Variants in BRF1 observed in about 807,000 individuals in gnomAD.
The protein encoded by BRF1 is transcription factor IIIB 90 kDa subunit.
BRF1 carries 59 observed loss-of-function variants against 81.7 expected under a neutral mutation model. That is an observed-to-expected ratio of 0.72 (90% CI 0.59 to 0.90). BRF1 has a LOEUF of 0.90. Among genes scored for constraint, BRF1 ranks in the 40% least tolerant of loss-of-function variants. BRF1 has a pLI of 0.00. For synonymous variants in BRF1, 491 were observed against 395.6 expected (o/e 1.24, Z -2.86); for missense variants, 1,050 against 936.3 (o/e 1.12, Z -1.58).
chr14:105,226,698 T>C lies in BRF1; in HGVS notation c.851A>G (p.Asp284Gly), dbSNP rs1893159070. ...GGGGGGGTCGCACTCCTCCTCCAGG[T>C]CGATCTTCATGAACTCATCAATGGT... ...QLTIDEFMKI[D>G]LEEECDPPSY... is the part of the protein sequence containing the mutation. The change falls in exon 8 of 18, where the codon GAC (aspartate) becomes GGC (glycine). Residue 284 changes from aspartate to glycine, a missense_variant. Transcript: ENST00000547530. 1 of 1,613,654 alleles carries C rather than the reference T, an allele frequency of 6.2e-7. No homozygotes were observed. Among genetic ancestry groups the C allele is most frequent in the East Asian group, 2.2e-5 (1 of 44,882 alleles).
intron 1 of BRF1, among the ~76,000 whole-genome samples, chr14:105,307,386 T>C (rs1313893895): frequency 6.6e-6 from 1 of 152,136 alleles, no homozygotes; most frequent in Non-Finnish European, 1.5e-5. Flanking sequence ...CTAATTCTGC[T>C]CAGCTTGCCT....
In BRF1 at chr14:105,256,533, G is replaced by A; in HGVS notation, c.456C>T (p.Leu152=). ...GGCTGTCTACCTGGAGCAGGTCGCT[G>A]AGGTCCAGGAGCATGTCTGCAGCAG... The part of the protein sequence containing the change: ...TEGTPHMLLD[L]SDLLQVNVYV... Residue 152 remains leucine (L), a synonymous_variant, in exon 4 of 18, where the codon CTC becomes CTT. Coordinates refer to ENST00000547530, the MANE Select transcript of BRF1 (RefSeq NM_001519.4). The A allele has an allele frequency of 4.3e-6, 7 of 1,614,026 alleles. No homozygotes were observed. The highest frequency in any genetic ancestry group is 5.9e-6 in the Non-Finnish European group (7 of 1,179,990).
chr14:105,254,071 G>A (rs1158218753), intron 4 of BRF1, among the ~76,000 whole-genome samples: 1 of 152,128 alleles, frequency 6.6e-6, no homozygotes, highest in African/African-American at 2.4e-5. Context: ...TTAAGCCACA[G>A]CAGAACCATG....
intron 5 of BRF1, among the ~76,000 whole-genome samples, chr14:105,251,799 G>A (rs1167211154): frequency 6.6e-6 from 1 of 151,948 alleles, no homozygotes; most frequent in Admixed American, 6.6e-5. Flanking sequence ...AGAACCATCG[G>A]GCAGTGAGTG....
intron 4 of BRF1, among the ~76,000 whole-genome samples, chr14:105,254,127 C>CT (rs1161307686): frequency 6.6e-6 from 1 of 152,252 alleles, no homozygotes; most frequent in Admixed American, 6.5e-5. Flanking sequence ...CCACACCCCC[C>CT]AACCTTGTGT....
At chr14:105,275,120 G>A (rs780509150) in intron 2 of BRF1, among the ~76,000 whole-genome samples, 1 of 152,200 alleles carries the variant, frequency 6.6e-6, no homozygotes, top group Non-Finnish European at 1.5e-5. Flanking sequence ...TTTTGCTCAC[G>A]CCAAACTTCA....
At chr14:105,261,877 C>T (rs1025687676) in intron 3 of BRF1, among the ~76,000 whole-genome samples, 1 of 152,244 alleles carries the variant, frequency 6.6e-6, no homozygotes, top group Non-Finnish European at 1.5e-5. Context: ...GAGAATGATG[C>T]CCAGCACTGC....
Position 105,229,622 on chromosome 14 carries a change from G to C in BRF1, c.695-709C>G, listed in dbSNP as rs587766467. Among the ~76,000 whole-genome samples the C allele has an allele frequency of 2.4e-4, 36 of 152,316 alleles. No homozygotes were observed. The South Asian group carries it at 4.1e-3, about 18-fold the overall frequency. On this transcript the variant is annotated intron_variant, in intron 6 of 17. Transcript: ENST00000547530. ...CTGGGGGGTCACAGAGGTCCAACTA[G>C]AACAGTCGCCCAGCTGGGGGCGGGG...
At position 105,297,763 on chromosome 14, in the gene BRF1, G is replaced by A. The variant is rs187116625; in HGVS notation, c.184+2683C>T. Among the ~76,000 whole-genome samples the A allele has an allele frequency of 2.0e-4, 31 of 152,198 alleles. No individual in the cohort carries two copies. The South Asian group carries it at 3.3e-3, about 16-fold the overall frequency. ...GGTAAACCCAGCACTTTGGGAGGCT[G>A]AGGCAGGTGGATCACGAGGTCAGGA... On this transcript the variant is annotated intron_variant, in intron 1 of 17. Coordinates refer to ENST00000547530, the MANE Select transcript of BRF1 (RefSeq NM_001519.4).
intron 3 of BRF1, among the ~76,000 whole-genome samples, chr14:105,272,392 A>T (rs2056694944): frequency 6.6e-6 from 1 of 152,214 alleles, no homozygotes; most frequent in African/African-American, 2.4e-5. Flanking sequence ...CCTGAACCAC[A>T]GGGGACGTGG....
rs1185854559 is a variant in BRF1, at chr14:105,252,503, C to T, written c.544+4G>A. ...ACACCCCAGCATCTCACCCAGATGC[C>T]TACCTATGGCCGGCGCATTGATGCA... On this transcript the variant is annotated splice_donor_region_variant and intron_variant, in intron 5 of 17. Coordinates refer to ENST00000547530, the MANE Select transcript of BRF1 (RefSeq NM_001519.4). 1 of 1,613,270 alleles carries T rather than the reference C, an allele frequency of 6.2e-7. No homozygotes were observed. The highest frequency in any genetic ancestry group is 1.7e-5 in the Admixed American group (1 of 59,886).
At chr14:105,258,754 G>C (rs1028874898) in intron 3 of BRF1, among the ~76,000 whole-genome samples, 2 of 151,560 alleles carry the variant, frequency 1.3e-5, no homozygotes, top group Admixed American at 6.6e-5. Flanking sequence ...AGCAAATATC[G>C]CACCACTGCA....
chr14:105,285,158 A>G (rs932753921), intron 2 of BRF1, among the ~76,000 whole-genome samples: 1 of 152,228 alleles, frequency 6.6e-6, no homozygotes, highest in Non-Finnish European at 1.5e-5. Flanking sequence ...AGAAACTGAC[A>G]AGCTGATCCT....
At chr14:105,250,356 G>A in intron 5 of BRF1, 1 of 1,613,670 alleles carries the variant, frequency 6.2e-7, no homozygotes, top group Non-Finnish European at 8.5e-7. Context: ...TCCAGCTCTG[G>A]GAAGGCTGAG....
chr14:105,210,519 T>C lies in BRF1; in HGVS notation c.*32A>G, dbSNP rs1261139616. On this transcript the variant is annotated 3_prime_UTR_variant, in exon 18 of 18. Coordinates refer to ENST00000547530, the MANE Select transcript of BRF1 (RefSeq NM_001519.4). This position sits in a 1 kb window ranked among gnomAD's most constrained non-coding sequence, Gnocchi z 4.7. ...TGCTGAGGAGACCCGCGAGGCCCCC[T>C]GCCAGGACATCACCTGCCTGGAGGC... is the stretch of plus-strand genomic sequence containing the variant. 2 of 1,608,804 alleles carry C rather than the reference T, an allele frequency of 1.2e-6. No individual in the cohort carries two copies. The highest frequency in any genetic ancestry group is 2.2e-5 in the East Asian group (1 of 44,846).
chr14:105,263,025 C>T (rs975070368), intron 3 of BRF1, among the ~76,000 whole-genome samples: 5 of 151,650 alleles, frequency 3.3e-5, no homozygotes, highest in African/African-American at 4.8e-5. Flanking sequence ...CAGATGACAA[C>T]GTCAAGAGTC....
chr14:105,248,735 G>A, intron 5 of BRF1: 1 of 981,728 alleles, frequency 1.0e-6, no homozygotes, highest in Non-Finnish European at 1.2e-6. Context: ...TAGCCTGCCT[G>A]CACGGCCGCG....
In BRF1 at chr14:105,210,667, G is replaced by A; in HGVS notation, c.1997-79C>T. On this transcript the variant is annotated intron_variant, in intron 17 of 17. Coordinates refer to ENST00000547530, the MANE Select transcript of BRF1 (RefSeq NM_001519.4). This position sits in a 1 kb window ranked among gnomAD's most constrained non-coding sequence, Gnocchi z 4.7. ...AGACCCCCCAACCCGCCCTGTTCCT[G>A]GTGCCCCCCTAGAAGACTCAGGCTC... 1.3e-6 allele frequency: 2 copies of A among 1,507,196 alleles called. No individual in the cohort carries two copies. The highest frequency in any genetic ancestry group is 1.8e-6 in the Non-Finnish European group (2 of 1,107,816). The allele number at this position is 1,507,196 out of a possible 1,614,324, so 93.4% of individuals were successfully genotyped here.
intron 1 of BRF1, among the ~76,000 whole-genome samples, chr14:105,294,349 C>T (rs587672687): frequency 2.6e-5 from 4 of 152,342 alleles, no homozygotes; most frequent in South Asian, 2.1e-4. Flanking sequence ...TGACAGCACC[C>T]GGGTGACAGA....
Sources: allele counts gnomAD v4.1 joint callset (sites outside exome capture counted in the v4.1 genomes callset), GRCh38; gene constraint gnomAD v4.1.1; non-coding constraint Gnocchi (gnomAD v3.1); transcripts MANE v1.5; gene names NCBI Gene and HGNC (gene_info 2026-07-23, HGNC 2026-07-21).